ADAM28: variants seen among roughly 807,000 people sequenced by gnomAD.
ADAM28 encodes the protein ADAM metallopeptidase domain 28.
Under a neutral mutation model 101.2 loss-of-function variants are expected in ADAM28, and 105 were observed. The observed-to-expected ratio is 1.04, with a 90% CI of 0.89 to 1.22. The LOEUF is 1.22. Ranked by LOEUF, ADAM28 falls within the 50% of genes most tolerant of loss-of-function variation. The pLI, the probability that ADAM28 is intolerant of heterozygous loss-of-function variation, is 0.00. For missense variants in ADAM28, 1,028 were observed against 945.4 expected (o/e 1.09, Z -1.15); for synonymous variants, 322 against 310.6 (o/e 1.04, Z -0.39).
At chr8:24,308,155 C>A (rs1809952990) in intron 2 of ADAM28, among the ~76,000 whole-genome samples, 1 of 152,172 alleles carries the variant, frequency 6.6e-6, no homozygotes, top group Non-Finnish European at 1.5e-5. Flanking sequence ...AAACCAAAAT[C>A]ATTTCCTTAT....
In ADAM28 at chr8:24,300,033, C is replaced by T; in HGVS notation, c.106C>T (p.Leu36Phe). 1.2e-6 allele frequency: 2 copies of T among 1,613,770 alleles called. No homozygotes were observed. Among genetic ancestry groups the T allele is most frequent in the East Asian group, 2.2e-5 (1 of 44,856 alleles). Residue 36 changes from leucine (L) to phenylalanine (F), a missense_variant, in exon 2 of 23, where the codon CTT becomes TTT. Leu to Phe is a conservative substitution (Grantham distance 22). Coordinates refer to ENST00000265769, the MANE Select transcript of ADAM28 (RefSeq NM_014265.6). ...KKYEVVYPIRLHPLHKREAKE... is the reference protein window; with the variant it reads ...KKYEVVYPIRFHPLHKREAKE... ...GTATGAAGTGGTTTATCCTATAAGA[C>T]TTCATCCACTGCATAAAAGAGAGGC...
chr8:24,336,147 A>G lies in ADAM28; in HGVS notation c.1567+506A>G, dbSNP rs186549282. The G allele has an allele frequency of 1.8e-3, 1,784 of 985,728 alleles. 4 individuals are homozygous for G. Among genetic ancestry groups the G allele is most frequent in the Admixed American group, 3.9e-3 (63 of 16,296 alleles). 61.1% of individuals were successfully genotyped at this position (985,728 alleles called of 1,614,324 possible). A position where few individuals can be genotyped will look rare whatever the true frequency, so the allele number is the denominator to read the frequency against. ...AACTCTGGAAATGCAGAAAGCCAAT[A>G]AAGAAAAGTGAAAGTTCTTAAATGG... On this transcript the variant is annotated intron_variant, in intron 14 of 22. Transcript: ENST00000265769.
intron 2 of ADAM28, among the ~76,000 whole-genome samples, chr8:24,303,715 C>G (rs62502717): frequency 0.099 from 14,990 of 152,148 alleles, 946 homozygotes; most frequent in East Asian, 0.25. Context: ...AGCACTGATT[C>G]TATAAATTAC....
At chr8:24,331,585 C>T (rs1269146923) in intron 12 of ADAM28, among the ~76,000 whole-genome samples, 1 of 151,986 alleles carries the variant, frequency 6.6e-6, no homozygotes, top group Non-Finnish European at 1.5e-5. Context: ...GCCTTGTGTC[C>T]TCGTCCCTCC....
intron 17 of ADAM28, 93 bp from the exon 18 acceptor site, chr8:24,343,413 T>C: frequency 7.6e-7 from 1 of 1,320,104 alleles, no homozygotes; most frequent in Admixed American, 1.8e-5. Flanking sequence ...CTGGGGTTAT[T>C]CCTTTTTCTG....
intron 1 of ADAM28, among the ~76,000 whole-genome samples, chr8:24,297,166 T>TTTG (rs151294062): frequency 4.3e-4 from 65 of 151,756 alleles, no homozygotes; most frequent in East Asian, 1.9e-3. Flanking sequence ...TGGGTTTTTT[T>TTTG]TTGTTGTTGT....
intron 8 of ADAM28, among the ~76,000 whole-genome samples, chr8:24,321,697 A>T (rs1343815790): frequency 6.6e-6 from 1 of 151,992 alleles, no homozygotes; most frequent in Admixed American, 6.6e-5. Context: ...ACAACGCTAA[A>T]TGTTACTAAA....
chr8:24,300,044 G>A lies in ADAM28; in HGVS notation c.117G>A (p.Leu39=). ...EVVYPIRLHP[L]HKREAKEPEQ... ...TTTATCCTATAAGACTTCATCCACT[G>A]CATAAAAGAGAGGCCAAAGAGCCAG... The change falls in exon 2 of 23, where the codon CTG becomes CTA. Residue 39 remains leucine, a synonymous_variant. Coordinates refer to ENST00000265769, the MANE Select transcript of ADAM28 (RefSeq NM_014265.6). 1.2e-6 allele frequency: 2 copies of A among 1,613,582 alleles called. No individual in the cohort carries two copies. Among genetic ancestry groups the A allele is most frequent in the South Asian group, 2.2e-5 (2 of 91,060 alleles).
rs867544614 is a variant in ADAM28 at position 24,311,557 on chromosome 8, G to T, written c.383+120G>T. ...ATATAGTTGAATATAAATCATAAGGGCCATAACATTTTGAAATTTGAAGAA... is the reference window on the plus strand; with the variant it reads ...ATATAGTTGAATATAAATCATAAGGTCCATAACATTTTGAAATTTGAAGAA... On this transcript the variant is annotated intron_variant, in intron 5 of 22. Coordinates refer to ENST00000265769, the MANE Select transcript of ADAM28 (RefSeq NM_014265.6). The T allele has an allele frequency of 7.7e-6, 5 of 649,452 alleles. No individual in the cohort carries two copies. The African/African-American group carries it at 9.4e-5, about 12-fold the overall frequency. The allele number at this position is 649,452 out of a possible 1,614,324, so 40.2% of individuals were successfully genotyped here.
At chr8:24,307,671 A>G (rs1809880774) in intron 2 of ADAM28, among the ~76,000 whole-genome samples, 1 of 152,212 alleles carries the variant, frequency 6.6e-6, no homozygotes, top group Non-Finnish European at 1.5e-5. Context: ...ATAGATGCAT[A>G]TTTAACCTAT....
At chr8:24,308,543 T>A (rs766278434) in intron 2 of ADAM28, 2 of 448,260 alleles carry the variant, frequency 4.5e-6, no homozygotes, top group Non-Finnish European at 9.0e-6. Context: ...GGTATCATTC[T>A]CATGGCTTCA....
At position 24,343,598 on chromosome 8, in the gene ADAM28, C is replaced by T. The variant is rs1478241932; in HGVS notation, c.1990+14C>T. 3.1e-6 allele frequency: 5 copies of T among 1,612,268 alleles called. No homozygotes were observed. In the Admixed American group the frequency reaches 5.0e-5, roughly 16 times the overall value. ...CAGTGGTCTTCCGTAGGTAACATTA[C>T]ACATCTAACCTGAGAAAATTGCTCT... On this transcript the variant is annotated intron_variant, in intron 18 of 22. Coordinates refer to ENST00000265769, the MANE Select transcript of ADAM28 (RefSeq NM_014265.6).
chr8:24,350,773 C>G (rs1816003793), intron 19 of ADAM28, among the ~76,000 whole-genome samples: 2 of 151,896 alleles, frequency 1.3e-5, no homozygotes. Context: ...GAAACAAGCT[C>G]AGAGAGATTA....
chr8:24,329,955 G>A (rs751173365), intron 10 of ADAM28, 30 bp from the exon 11 acceptor site: 1 of 1,592,646 alleles, frequency 6.3e-7, no homozygotes, highest in Non-Finnish European at 8.6e-7. Context: ...TCGAAAATCA[G>A]AGAATCTTTT....
chr8:24,335,348 C>A (rs1417329573), intron 13 of ADAM28, 98 bp from the exon 14 acceptor site: 1 of 1,442,568 alleles, frequency 6.9e-7, no homozygotes, highest in Non-Finnish European at 9.1e-7. Flanking sequence ...AACTACTATG[C>A]CCAAAAAGTC....
At chr8:24,354,323 T>C in intron 22 of ADAM28, 61 bp from the exon 23 acceptor site, 36 of 1,385,216 alleles carry the variant, frequency 2.6e-5, no homozygotes, top group Non-Finnish European at 3.5e-5. Flanking sequence ...TTCAGCTTCA[T>C]AATAGTAAAT....
intron 1 of ADAM28, among the ~76,000 whole-genome samples, chr8:24,297,551 T>C (rs1808135125): frequency 6.6e-6 from 1 of 152,236 alleles, no homozygotes; most frequent in Admixed American, 6.5e-5. Context: ...TAATATAGCA[T>C]TTAAAAAGAT....
intron 14 of ADAM28, among the ~76,000 whole-genome samples, chr8:24,336,532 A>G (rs1814082584): frequency 6.8e-6 from 1 of 146,920 alleles, no homozygotes; most frequent in Admixed American, 7.0e-5. Context: ...GTCAGCAGAG[A>G]TCGTGCCACT....
intron 6 of ADAM28, among the ~76,000 whole-genome samples, chr8:24,318,023 G>A (rs1050432282): frequency 2.6e-5 from 4 of 152,048 alleles, no homozygotes; most frequent in African/African-American, 9.7e-5. Context: ...CATGCTGGTC[G>A]TTGGTTGGAG....
Sources: allele counts gnomAD v4.1 joint callset (sites outside exome capture counted in the v4.1 genomes callset), GRCh38; gene constraint gnomAD v4.1.1; transcripts MANE v1.5; gene names NCBI Gene and HGNC (gene_info 2026-07-23, HGNC 2026-07-21).